MOGAT2: variants seen among roughly 807,000 people sequenced by gnomAD.
MOGAT2 encodes 2-acylglycerol O-acyltransferase 2.
MOGAT2 carries 27 observed loss-of-function variants against 31.5 expected under a neutral mutation model. The observed-to-expected ratio is 0.86, with a 90% CI of 0.63 to 1.18. MOGAT2 has a LOEUF of 1.18. MOGAT2 is among the 50% of genes most tolerant of loss of function. The pLI is 0.00. For synonymous variants in MOGAT2, 163 were observed against 170.0 expected (o/e 0.96, Z 0.32); for missense variants, 436 against 433.2 (o/e 1.01, Z -0.06).
At chr11:75,729,074 A>G in intron 5 of MOGAT2, 85 bp downstream of exon 5, 1 of 1,307,994 alleles carries the variant, frequency 7.6e-7, no homozygotes, top group South Asian at 1.2e-5. Flanking sequence ...GATGAGCCAG[A>G]TTTATTCCTG....
chr11:75,725,316 G>A (rs1331990920), intron 2 of MOGAT2, among the ~76,000 whole-genome samples: 1 of 152,114 alleles, frequency 6.6e-6, no homozygotes, highest in Non-Finnish European at 1.5e-5. Flanking sequence ...AGGCTAAGGT[G>A]GGCAGATCAC....
At chr11:75,724,262 A>G (rs1217520763) in intron 2 of MOGAT2, among the ~76,000 whole-genome samples, 1 of 152,196 alleles carries the variant, frequency 6.6e-6, no homozygotes, top group Non-Finnish European at 1.5e-5. Context: ...CCCTTTCCAG[A>G]GCATCTCCTC....
chr11:75,727,751 C>A, intron 3 of MOGAT2, 112 bp downstream of exon 3: 1 of 1,192,646 alleles, frequency 8.4e-7, no homozygotes, highest in Non-Finnish European at 1.2e-6. Context: ...GAGGCTAGGC[C>A]CAAAGAAGCA....
intron 2 of MOGAT2, among the ~76,000 whole-genome samples, chr11:75,722,129 T>A (rs1590838989): frequency 6.6e-6 from 1 of 152,306 alleles, no homozygotes; most frequent in East Asian, 1.9e-4. Context: ...GCACCTCATA[T>A]GTGTTTCCTG....
At chr11:75,726,374 A>G (rs548831366) in intron 2 of MOGAT2, among the ~76,000 whole-genome samples, 2 of 152,184 alleles carry the variant, frequency 1.3e-5, no homozygotes, top group East Asian at 1.9e-4. Context: ...TGAAGTGCCA[A>G]TTTTTTGCCC....
Position 75,727,376 on chromosome 11 carries a change from G to A in MOGAT2, c.271-59G>A, listed in dbSNP as rs138229036. Reference sequence around the variant, plus strand: ...TTTCCCAAGGTCACACCAGTGAGTGGCAGAGTCAGGGCTGGTACACAGGCC... The same window carrying A: ...TTTCCCAAGGTCACACCAGTGAGTGACAGAGTCAGGGCTGGTACACAGGCC... On this transcript the variant is annotated intron_variant, in intron 2 of 5. Coordinates refer to ENST00000198801, the MANE Select transcript of MOGAT2 (RefSeq NM_025098.4). 2.0e-3 allele frequency: 3,054 copies of A among 1,527,190 alleles called. 56 individuals carry two copies. The African/African-American group carries it at 0.035, about 18-fold the overall frequency. 94.6% of individuals were successfully genotyped at this position (1,527,190 alleles called of 1,614,324 possible). A position where few individuals can be genotyped will look rare whatever the true frequency, so the allele number is the denominator to read the frequency against.
rs143870485 is a variant in MOGAT2 at position 75,731,160 on chromosome 11, G to A, written c.879G>A (p.Thr293=). 1,447 of 1,613,946 alleles carry A rather than the reference G, an allele frequency of 9.0e-4. 10 individuals carry two copies. The African/African-American group carries it at 0.017, about 19-fold the overall frequency. The change falls in exon 6 of 6, where the codon ACG becomes ACA. Residue 293 remains threonine (T), a synonymous_variant. Transcript: ENST00000198801. ...GGAAGCCCATCGAGGTACAGAAGAC[G>A]CTGCATCCCTCGGAGGAGGAGGTGA... ...VVGKPIEVQK[T]LHPSEEEVNQ...
intron 1 of MOGAT2, among the ~76,000 whole-genome samples, chr11:75,718,591 G>C (rs1157573770): frequency 6.6e-6 from 1 of 152,126 alleles, no homozygotes; most frequent in Non-Finnish European, 1.5e-5. Flanking sequence ...GCCTTGCAGG[G>C]CTATTGTGAA....
chr11:75,727,462 T>C lies in MOGAT2; in HGVS notation c.298T>C (p.Ser100Pro), dbSNP rs1163388311. The C allele has an allele frequency of 1.2e-6, 2 of 1,614,074 alleles. No homozygotes were observed. The highest frequency in any genetic ancestry group is 2.2e-5 in the East Asian group (1 of 44,868). Residue 100 changes from serine (S) to proline (P), a missense_variant, in exon 3 of 6, where the codon TCT (serine) becomes CCT (proline). Physicochemically the swap from Ser to Pro is moderately conservative, Grantham distance 74 (BLOSUM62 -1). Transcript: ENST00000198801. ...GGTCAAGACTGCTGAGCTGGACCCC[T>C]CTCGGAACTACATTGCGGGCTTCCA... ...SLVKTAELDP[S>P]RNYIAGFHPH...
At chr11:75,723,735 G>A (rs1020586521) in intron 2 of MOGAT2, among the ~76,000 whole-genome samples, 2 of 152,068 alleles carry the variant, frequency 1.3e-5, no homozygotes, top group East Asian at 1.9e-4. Flanking sequence ...TACTTTAAAC[G>A]GATGCATTTT....
intron 2 of MOGAT2, among the ~76,000 whole-genome samples, chr11:75,725,960 C>A (rs1182497631): frequency 6.6e-6 from 1 of 152,240 alleles, no homozygotes; most frequent in Non-Finnish European, 1.5e-5. Context: ...GTGGCCCCCG[C>A]AGTTCCTTAC....
At chr11:75,719,504 G>A (rs920992129) in intron 1 of MOGAT2, 13 of 157,106 alleles carry the variant, frequency 8.3e-5, no homozygotes, top group African/African-American at 3.1e-4. Context: ...TGAAGGGCTT[G>A]AATAAGGGGA....
intron 1 of MOGAT2, 46 bp from the exon 2 acceptor site, chr11:75,719,946 T>G: frequency 6.3e-7 from 1 of 1,591,310 alleles, no homozygotes; most frequent in African/African-American, 1.3e-5. Flanking sequence ...CTCACCTGCC[T>G]TCCTCTCAGA....
At position 75,719,793 on chromosome 11, in the gene MOGAT2, C is replaced by T. The variant is rs1377268448; in HGVS notation, c.92-199C>T. On this transcript the variant is annotated intron_variant, in intron 1 of 5. Coordinates refer to ENST00000198801, the MANE Select transcript of MOGAT2 (RefSeq NM_025098.4). ...TAGGCTCAACGCGTGCTCCCAGTGA[C>T]ACTGGGCTGGCCGTAGTCCCTCTCA... The T allele has an allele frequency of 6.9e-6, 4 of 576,666 alleles. No homozygotes were observed. In the South Asian group the frequency reaches 9.5e-5, roughly 14 times the overall value. 35.7% of individuals were successfully genotyped at this position (576,666 alleles called of 1,614,324 possible).
intron 2 of MOGAT2, among the ~76,000 whole-genome samples, chr11:75,724,463 T>C (rs1015282313): frequency 6.6e-6 from 1 of 152,092 alleles, no homozygotes; most frequent in Non-Finnish European, 1.5e-5. Flanking sequence ...TGGGAGGGCC[T>C]GTGTCTAGGT....
intron 1 of MOGAT2, 39 bp downstream of exon 1, chr11:75,718,018 C>T (rs1231286725): frequency 2.1e-5 from 33 of 1,589,810 alleles, no homozygotes; most frequent in Non-Finnish European, 2.8e-5. Context: ...GACCACCGCA[C>T]TCAGGTGGGG....
chr11:75,718,853 A>T (rs1437421855), intron 1 of MOGAT2, among the ~76,000 whole-genome samples: 2 of 152,156 alleles, frequency 1.3e-5, no homozygotes, highest in African/African-American at 4.8e-5. Context: ...GGCACCAGAC[A>T]AGGTAGGAAC....
chr11:75,719,123 T>A (rs960281058), intron 1 of MOGAT2, among the ~76,000 whole-genome samples: 3 of 151,894 alleles, frequency 2.0e-5, no homozygotes, highest in Admixed American at 2.0e-4. Flanking sequence ...GTTCTAAGGG[T>A]TTTTAGACAT....
chr11:75,729,125 C>A (rs1944450791), intron 5 of MOGAT2, 136 bp downstream of exon 5: 1 of 787,740 alleles, frequency 1.3e-6, no homozygotes, highest in Admixed American at 2.3e-5. Context: ...AACATACACA[C>A]ACAAGCAGAT....
Sources: gnomAD v4.1 joint callset for allele counts (sites outside exome capture counted in the v4.1 genomes callset) on GRCh38, gnomAD v4.1.1 for gene constraint, MANE v1.5 for transcripts, NCBI Gene and HGNC (gene_info 2026-07-23, HGNC 2026-07-21) for gene names.